Variants in ERCC8 observed in about 807,000 individuals in gnomAD.
ERCC8 encodes ERCC excision repair 8, CSA ubiquitin ligase complex subunit.
A neutral mutation model predicts 54.9 loss-of-function variants in ERCC8; 52 were observed. The observed-to-expected ratio is 0.95, with a 90% CI of 0.76 to 1.19. The LOEUF (loss-of-function observed/expected upper bound fraction) is 1.19. Ranked by LOEUF, ERCC8 falls within the 50% of genes most tolerant of loss-of-function variation. ERCC8 has a pLI of 0.00. For synonymous variants in ERCC8, 146 were observed against 157.2 expected (o/e 0.93, Z 0.53); for missense variants, 514 against 466.1 (o/e 1.10, Z -0.95).
At chr5:60,943,228 A>G (rs1750316048) in intron 1 of ERCC8, among the ~76,000 whole-genome samples, 1 of 152,128 alleles carries the variant, frequency 6.6e-6, no homozygotes, top group Non-Finnish European at 1.5e-5. Flanking sequence ...CTGTAACTGC[A>G]CCACTGCATT....
At chr5:60,877,569 T>C (rs956853143) in intron 11 of ERCC8, among the ~76,000 whole-genome samples, 1 of 152,196 alleles carries the variant, frequency 6.6e-6, no homozygotes, top group Non-Finnish European at 1.5e-5. Context: ...GGTTTGTAGA[T>C]CTCCTTGAAG....
At chr5:60,876,765 A>G (rs1748023168) in intron 11 of ERCC8, among the ~76,000 whole-genome samples, 1 of 152,116 alleles carries the variant, frequency 6.6e-6, no homozygotes, top group South Asian at 2.1e-4. Flanking sequence ...AGTCCATTGT[A>G]GGTTCTGGAT....
At position 60,872,250 on chromosome 5, in the gene ERCC8, A is replaced by AT. The variant is rs1393023740; in HGVS notation, c.*2364dup. 1.3e-5 allele frequency among the ~76,000 whole-genome samples: 2 copies of AT among 152,178 alleles called. No homozygotes were observed. Among genetic ancestry groups the AT allele is most frequent in the East Asian group, 1.9e-4 (1 of 5,192 alleles). On this transcript the variant is annotated 3_prime_UTR_variant, in exon 12 of 12. Transcript: ENST00000676185. ...CTCCATGACATTGGTCTGGGCAATGATTTTTTTGGATACGATCTCAAAAGC... is the reference window on the plus strand; with the variant it reads ...CTCCATGACATTGGTCTGGGCAATGATTTTTTTTGGATACGATCTCAAAAGC...
intron 9 of ERCC8, chr5:60,892,388 G>T (rs532497847): frequency 4.8e-5 from 26 of 546,848 alleles, no homozygotes; most frequent in South Asian, 3.4e-4. Context: ...GACTTGCTCG[G>T]TATCCTCGAT....
intron 11 of ERCC8, among the ~76,000 whole-genome samples, chr5:60,883,198 C>A (rs1229586692): frequency 6.6e-6 from 1 of 152,134 alleles, no homozygotes; most frequent in Non-Finnish European, 1.5e-5. Flanking sequence ...CAGTTGCATA[C>A]AAATTATTTC....
chr5:60,936,106 ATTC>A (rs1750057565), intron 1 of ERCC8, among the ~76,000 whole-genome samples: 1 of 152,150 alleles, frequency 6.6e-6, no homozygotes, highest in African/African-American at 2.4e-5. Flanking sequence ...ATTGATACAA[ATTC>A]TTCTTTGAAT....
At chr5:60,879,159 T>G (rs574458035) in intron 11 of ERCC8, among the ~76,000 whole-genome samples, 1 of 152,366 alleles carries the variant, frequency 6.6e-6, no homozygotes, top group African/African-American at 2.4e-5. Context: ...GTTGTTCAGT[T>G]TCCATGTAGT....
At chr5:60,938,048 CATATAT>C (rs1170248858) in intron 1 of ERCC8, among the ~76,000 whole-genome samples, 433 of 23,350 alleles carry the variant, frequency 0.019, 8 homozygotes, top group African/African-American at 0.048. Flanking sequence ...TACATACATA[CATATAT>C]ATATATATAT....
intron 1 of ERCC8, among the ~76,000 whole-genome samples, chr5:60,941,977 G>T (rs888976541): frequency 1.3e-5 from 2 of 152,142 alleles, no homozygotes; most frequent in Non-Finnish European, 2.9e-5. Flanking sequence ...TATATATGGT[G>T]CAGGGGAAAG....
At chr5:60,929,145 A>C (rs1345334763) in intron 1 of ERCC8, among the ~76,000 whole-genome samples, 186 bp from the exon 2 acceptor site, 1 of 152,232 alleles carries the variant, frequency 6.6e-6, no homozygotes, top group Non-Finnish European at 1.5e-5. Flanking sequence ...CAGTAGTAAC[A>C]ATTACATGCA....
At chr5:60,936,671 C>G (rs1463496095) in intron 1 of ERCC8, among the ~76,000 whole-genome samples, 1 of 152,116 alleles carries the variant, frequency 6.6e-6, no homozygotes, top group Non-Finnish European at 1.5e-5. Flanking sequence ...TATGAACTTT[C>G]ATCTTAGCAC....
intron 1 of ERCC8, among the ~76,000 whole-genome samples, chr5:60,936,012 T>C (rs915794762): frequency 2.2e-4 from 33 of 152,176 alleles, no homozygotes; most frequent in Admixed American, 1.6e-3. Context: ...TGTTCTTTCC[T>C]GGTTTTGGTA....
intron 4 of ERCC8, among the ~76,000 whole-genome samples, chr5:60,905,774 C>T (rs1449282438): frequency 6.6e-6 from 1 of 152,204 alleles, no homozygotes; most frequent in Admixed American, 6.5e-5. Flanking sequence ...GCAAGGCTGG[C>T]CAGGCCAAGT....
chr5:60,935,687 C>T (rs1294711418), intron 1 of ERCC8, among the ~76,000 whole-genome samples: 1 of 152,084 alleles, frequency 6.6e-6, no homozygotes, highest in Non-Finnish European at 1.5e-5. Context: ...CTATAGATGG[C>T]TTTTATTACC....
At chr5:60,900,894 A>C (rs1353941649) in intron 7 of ERCC8, 1 of 152,088 alleles carries the variant, frequency 6.6e-6, no homozygotes, top group African/African-American at 2.4e-5. Flanking sequence ...AAGCATAACC[A>C]GCACCTAGCT....
At chr5:60,893,298 T>TA in intron 9 of ERCC8, 1 of 943,606 alleles carries the variant, frequency 1.1e-6, no homozygotes, top group Non-Finnish European at 1.8e-6. Context: ...ACTTCTTCCT[T>TA]ACACTGAAAC....
chr5:60,871,750 A>G lies in ERCC8; in HGVS notation c.*2865T>C, dbSNP rs1035935845. On this transcript the variant is annotated 3_prime_UTR_variant, in exon 12 of 12. Coordinates refer to ENST00000676185, the MANE Select transcript of ERCC8 (RefSeq NM_000082.4). ...GTAAAACAGTTACTTGCAGTTTGGA[A>G]GCAGACTTCCTTTTTCTTAAAAATA... is the stretch of plus-strand genomic sequence containing the variant. Among the ~76,000 whole-genome samples, 7 of 152,186 alleles carry G rather than the reference A, an allele frequency of 4.6e-5. No individual in the cohort carries two copies. Among genetic ancestry groups the G allele is most frequent in the Non-Finnish European group, 1.0e-4 (7 of 68,026 alleles).
At position 60,922,183 on chromosome 5, in the gene ERCC8, T is replaced by C. The variant is rs201535238; in HGVS notation, c.174-28A>G. The C allele has an allele frequency of 5.2e-5, 73 of 1,412,732 alleles. No individual in the cohort carries two copies. The African/African-American group carries it at 8.6e-4, about 17-fold the overall frequency. 87.5% of individuals were successfully genotyped at this position (1,412,732 alleles called of 1,614,324 possible). On this transcript the variant is annotated intron_variant, in intron 2 of 11. Coordinates refer to ENST00000676185, the MANE Select transcript of ERCC8 (RefSeq NM_000082.4). ...GATAATAAAAAAGTTCACATTAATTTATCATTTTATTTATTATTTAGTCCA... is the reference window on the plus strand; with the variant it reads ...GATAATAAAAAAGTTCACATTAATTCATCATTTTATTTATTATTTAGTCCA...
At chr5:60,924,009 T>C (rs1749679307) in intron 2 of ERCC8, among the ~76,000 whole-genome samples, 1 of 152,152 alleles carries the variant, frequency 6.6e-6, no homozygotes, top group Non-Finnish European at 1.5e-5. Flanking sequence ...TTAAAAAAAT[T>C]TTAATGTCTT....
Sources: gnomAD v4.1 joint callset for allele counts (sites outside exome capture counted in the v4.1 genomes callset) on GRCh38, gnomAD v4.1.1 for gene constraint, MANE v1.5 for transcripts, NCBI Gene and HGNC (gene_info 2026-07-23, HGNC 2026-07-21) for gene names.